Variants in ANXA8 observed in about 807,000 individuals in gnomAD.
ANXA8 encodes the protein annexin A8.
In ANXA8, 9 loss-of-function variants were observed where a neutral mutation model predicts 26.8. That is an observed-to-expected ratio of 0.34 (90% CI 0.20 to 0.59). ANXA8 has a LOEUF of 0.59. Among genes scored for constraint, ANXA8 ranks in the 20% least tolerant of loss-of-function variants. The pLI, the probability that ANXA8 is intolerant of heterozygous loss-of-function variation, is 0.84. For missense variants in ANXA8, 83 were observed against 238.5 expected, an observed-to-expected ratio of 0.35 and a Z score of 4.29; for synonymous variants, 39 against 94.8, an observed-to-expected ratio of 0.41 and a Z score of 3.42.
chr10:47,744,430 G>GGATGGGGGA, the ANXA8 span, among the ~76,000 whole-genome samples: 1 of 69,992 alleles, frequency 1.4e-5, no homozygotes, highest in South Asian at 9.4e-4. Context: ...GGTTGGGGGG[G>GGATGGGGGA]AGGGGGGAAG....
At chr10:47,506,465 G>C in the ANXA8 span, among the ~76,000 whole-genome samples, 16 of 137,512 alleles carry the variant, frequency 1.2e-4, 1 homozygote, top group Non-Finnish European at 7.7e-5. Flanking sequence ...CAAGTAACTG[G>C]GACTACAGGC....
At chr10:47,658,854 AT>A in the ANXA8 span, among the ~76,000 whole-genome samples, 2 of 113,836 alleles carry the variant, frequency 1.8e-5, no homozygotes, top group African/African-American at 6.1e-5. Flanking sequence ...TTTATTATTT[AT>A]TTATTTATTT....
At chr10:47,769,343 G>A in the ANXA8 span, among the ~76,000 whole-genome samples, 369 of 150,152 alleles carry the variant, frequency 2.5e-3, 2 homozygotes, top group African/African-American at 8.4e-3. Flanking sequence ...AGTCTGCTAC[G>A]GGCAGTGAGA....
At chr10:47,485,760 G>A (rs1384903633), upstream of ANXA8, among the ~76,000 whole-genome samples, 8 of 151,952 alleles carry the variant, frequency 5.3e-5, no homozygotes, top group Admixed American at 3.9e-4. Flanking sequence ...AGAGGGCCAG[G>A]CATCTTGCCC....
the ANXA8 span, among the ~76,000 whole-genome samples, chr10:47,586,923 T>C: frequency 1.4e-5 from 2 of 146,416 alleles, no homozygotes; most frequent in African/African-American, 5.5e-5. Context: ...TAGGAAATTC[T>C]GGACTTGGGG....
chr10:47,519,535 C>T, the ANXA8 span, among the ~76,000 whole-genome samples: 2 of 103,236 alleles, frequency 1.9e-5, no homozygotes, highest in African/African-American at 3.9e-5. Flanking sequence ...TGTGGAACCA[C>T]CTGCTTCCCC....
At chr10:47,947,422 T>C in the ANXA8 span, among the ~76,000 whole-genome samples, 3 of 142,898 alleles carry the variant, frequency 2.1e-5, no homozygotes, top group African/African-American at 8.2e-5. Context: ...TGCAGCAGTT[T>C]TGAGAGGAGG....
chr10:47,651,861 T>C, the ANXA8 span, among the ~76,000 whole-genome samples: 1 of 151,622 alleles, frequency 6.6e-6, no homozygotes, highest in South Asian at 2.1e-4. Context: ...GCCATTGCAC[T>C]CCAGCCTGGT....
chr10:47,664,589 A>AATT, the ANXA8 span, among the ~76,000 whole-genome samples: 4 of 151,204 alleles, frequency 2.6e-5, no homozygotes, highest in South Asian at 8.4e-4. Context: ...TAATAATAAT[A>AATT]ATAATTCTCA....
chr10:47,489,024 TTC>T (rs1840099488), upstream of ANXA8, among the ~76,000 whole-genome samples: 1 of 135,350 alleles, frequency 7.4e-6, no homozygotes, highest in Admixed American at 7.4e-5. Flanking sequence ...AATTATTTTT[TTC>T]TTTTTTTTTG....
At chr10:47,671,464 T>C in the ANXA8 span, among the ~76,000 whole-genome samples, 1 of 151,700 alleles carries the variant, frequency 6.6e-6, no homozygotes, top group Non-Finnish European at 1.5e-5. Context: ...AAACCGACTA[T>C]ATTTCTGCAT....
At chr10:47,945,229 C>T in the ANXA8 span, among the ~76,000 whole-genome samples, 1 of 149,992 alleles carries the variant, frequency 6.7e-6, no homozygotes, top group African/African-American at 2.5e-5. Flanking sequence ...TCAGGGGCAT[C>T]TGCTTCCTCA....
the ANXA8 span, among the ~76,000 whole-genome samples, chr10:47,651,329 G>A: frequency 6.6e-6 from 1 of 150,974 alleles, no homozygotes; most frequent in Non-Finnish European, 1.5e-5. Flanking sequence ...AACTGTTGGT[G>A]AGGATGTGGA....
chr10:47,586,538 C>T, the ANXA8 span, among the ~76,000 whole-genome samples: 1 of 145,450 alleles, frequency 6.9e-6, no homozygotes, highest in Non-Finnish European at 1.5e-5. Context: ...CTAGCTGAGG[C>T]TTATCCGCAT....
the ANXA8 span, among the ~76,000 whole-genome samples, chr10:47,619,582 A>G: frequency 8.3e-6 from 1 of 120,500 alleles, no homozygotes; most frequent in East Asian, 2.0e-4. Context: ...TGGGAGATAA[A>G]CTAAGTTAGA....
At chr10:47,703,373 G>C in the ANXA8 span, among the ~76,000 whole-genome samples, 1 of 151,672 alleles carries the variant, frequency 6.6e-6, no homozygotes, top group Admixed American at 6.6e-5. Context: ...TTCGAGACCA[G>C]CCTGGGCAAC....
At chr10:47,615,148 A>AT in the ANXA8 span, among the ~76,000 whole-genome samples, 1 of 73,712 alleles carries the variant, frequency 1.4e-5, no homozygotes, top group South Asian at 7.1e-4. Context: ...ATTTATATGA[A>AT]TTTTTTTGAC....
chr10:47,991,732 A>T, the ANXA8 span: 2 of 1,610,600 alleles, frequency 1.2e-6, no homozygotes, highest in Non-Finnish European at 1.7e-6. Context: ...TTTCTCACGG[A>T]GATGAAGAGA....
chr10:47,671,605 T>C, the ANXA8 span, among the ~76,000 whole-genome samples: 3 of 151,778 alleles, frequency 2.0e-5, no homozygotes, highest in Non-Finnish European at 4.4e-5. Flanking sequence ...TTATTCATTG[T>C]TGTGTCCTGA....
Sources: allele counts gnomAD v4.1 joint callset (sites outside exome capture counted in the v4.1 genomes callset), GRCh38; gene constraint gnomAD v4.1.1; transcripts MANE v1.5; gene names NCBI Gene and HGNC (gene_info 2026-07-23, HGNC 2026-07-21).